The following SLC39A11 variants were observed in gnomAD, a reference collection of about 807,000 sequenced individuals.
SLC39A11 encodes solute carrier family 39 member 11.
SLC39A11 carries 33 observed loss-of-function variants against 36.1 expected under a neutral mutation model. That is an observed-to-expected ratio of 0.91 (90% CI 0.69 to 1.22). The LOEUF is 1.22. SLC39A11 is among the 50% of genes most tolerant of loss of function. The pLI, the probability that SLC39A11 is intolerant of heterozygous loss-of-function variation, is 0.00. For missense variants in SLC39A11, 432 were observed against 430.3 expected (o/e 1.00, Z -0.03); for synonymous variants, 166 against 170.3 (o/e 0.97, Z 0.20).
intron 4 of SLC39A11, among the ~76,000 whole-genome samples, chr17:73,001,553 T>G (rs1173823137): frequency 6.6e-6 from 1 of 150,510 alleles, no homozygotes; most frequent in Non-Finnish European, 1.5e-5. Context: ...CCCTAAAACT[T>G]AAAGTATAAT....
chr17:73,031,713 A>G lies in SLC39A11; in HGVS notation c.149T>C (p.Val50Ala). 6.2e-7 allele frequency: 1 copy of G among 1,613,046 alleles called. No individual in the cohort carries two copies. The highest frequency in any genetic ancestry group is 8.5e-7 in the Non-Finnish European group (1 of 1,179,802). Reference sequence around the variant, plus strand: ...AGACCAATAGGAAGCTGCCAACATGACCTACAAAAACCACAACGAGAGATA... The same window carrying G: ...AGACCAATAGGAAGCTGCCAACATGGCCTACAAAAACCACAACGAGAGATA... Reference protein sequence around the residue: ...LDGSLGFAAGVMLAASYWSLL... With the variant: ...LDGSLGFAAGAMLAASYWSLL... The change falls in exon 4 of 10, where the codon GTC becomes GCC. Residue 50 changes from valine to alanine, a missense_variant and splice_region_variant. Coordinates refer to ENST00000255559, the MANE Select transcript of SLC39A11 (RefSeq NM_139177.4).
At chr17:72,867,374 C>A (rs541747881) in intron 5 of SLC39A11, among the ~76,000 whole-genome samples, 1 of 152,210 alleles carries the variant, frequency 6.6e-6, no homozygotes, top group Non-Finnish European at 1.5e-5. Flanking sequence ...GTGGCATGCA[C>A]CTGTAATCCC....
chr17:72,882,797 CT>C (rs972532779), intron 5 of SLC39A11, among the ~76,000 whole-genome samples: 194 of 60,556 alleles, frequency 3.2e-3, no homozygotes, highest in Admixed American at 6.4e-3. Context: ...GAGAATGCTT[CT>C]TTTTTTTTTT....
chr17:72,809,789 T>G (rs187730316), intron 6 of SLC39A11, among the ~76,000 whole-genome samples: 2 of 151,858 alleles, frequency 1.3e-5, no homozygotes, highest in African/African-American at 4.8e-5. Flanking sequence ...AAACGAAGAG[T>G]TTGGGCGTGG....
In SLC39A11 at chr17:73,031,680, G is replaced by T. The variant is rs768185387; in HGVS notation, c.182C>A (p.Ala61Asp). Residue 61 changes from alanine (A) to aspartate (D), a missense_variant, in exon 4 of 10, where the codon GCC (alanine) becomes GAC (aspartate). Transcript: ENST00000255559. ...GGACGTGGCCATCTCAACTGCTGGGGCCAGAAGAGACCAATAGGAAGCTGC... is the reference window on the plus strand; with the variant it reads ...GGACGTGGCCATCTCAACTGCTGGGTCCAGAAGAGACCAATAGGAAGCTGC... The part of the protein sequence containing the change: ...MLAASYWSLL[A>D]PAVEMATSSG... 1 of 1,614,034 alleles carries T rather than the reference G, an allele frequency of 6.2e-7. No homozygotes were observed. The highest frequency in any genetic ancestry group is 8.5e-7 in the Non-Finnish European group (1 of 1,180,008).
At chr17:72,978,571 G>C (rs2088042316) in intron 4 of SLC39A11, among the ~76,000 whole-genome samples, 2 of 152,086 alleles carry the variant, frequency 1.3e-5, no homozygotes, top group Non-Finnish European at 2.9e-5. Flanking sequence ...CAGAGAAAAG[G>C]AATAGCAGAT....
intron 7 of SLC39A11, among the ~76,000 whole-genome samples, chr17:72,682,885 C>A (rs1242519660): frequency 6.6e-6 from 1 of 152,232 alleles, no homozygotes; most frequent in Non-Finnish European, 1.5e-5. Flanking sequence ...CTTCTCCCAT[C>A]TGAATAATCT....
chr17:72,718,766 A>G (rs1381777474), intron 7 of SLC39A11, among the ~76,000 whole-genome samples: 1 of 152,230 alleles, frequency 6.6e-6, no homozygotes, highest in African/African-American at 2.4e-5. Flanking sequence ...GATAATTTCC[A>G]GCTTTCTTGA....
At chr17:72,845,104 A>G (rs991365641) in intron 6 of SLC39A11, among the ~76,000 whole-genome samples, 1 of 152,218 alleles carries the variant, frequency 6.6e-6, no homozygotes, top group Non-Finnish European at 1.5e-5. Flanking sequence ...AGTGGCCTCT[A>G]CATAGGCCTC....
intron 4 of SLC39A11, among the ~76,000 whole-genome samples, chr17:73,003,139 C>A (rs2089913983): frequency 6.6e-6 from 1 of 152,236 alleles, no homozygotes; most frequent in Non-Finnish European, 1.5e-5. Flanking sequence ...GAACCTGCTG[C>A]TGGGGCTTCC....
chr17:72,653,596 C>G (rs541848372), intron 7 of SLC39A11, among the ~76,000 whole-genome samples: 4 of 152,032 alleles, frequency 2.6e-5, no homozygotes, highest in African/African-American at 9.7e-5. Flanking sequence ...CCCACCACCA[C>G]GCCCAGCTAA....
rs547225148 is a variant in SLC39A11 at position 73,081,672 on chromosome 17, T to C, written c.147+3136A>G. ...ACACACACACACACACACACACACA[T>C]ATATATACACATATATGTATATATG... On this transcript the variant is annotated intron_variant, in intron 3 of 9. Transcript: ENST00000255559. 1.3e-3 allele frequency among the ~76,000 whole-genome samples: 177 copies of C among 135,704 alleles called. 2 individuals are homozygous for C. Among genetic ancestry groups the C allele is most frequent in the Non-Finnish European group, 2.1e-3 (131 of 61,876 alleles). 89.0% of individuals were successfully genotyped at this position (135,704 alleles called of 152,430 possible).
intron 3 of SLC39A11, among the ~76,000 whole-genome samples, chr17:73,069,653 T>C (rs1272601728): frequency 6.6e-6 from 1 of 152,184 alleles, no homozygotes; most frequent in Non-Finnish European, 1.5e-5. Flanking sequence ...AAAGCACTTG[T>C]GTTAATAATC....
At chr17:72,846,018 CTTTTTTTT>C (rs569100122) in intron 6 of SLC39A11, among the ~76,000 whole-genome samples, 11 of 57,952 alleles carry the variant, frequency 1.9e-4, no homozygotes, top group South Asian at 6.9e-4. Context: ...CTCTCTCTCT[CTTTTTTTT>C]TTTTTTTTTT....
intron 6 of SLC39A11, among the ~76,000 whole-genome samples, chr17:72,738,085 A>G (rs1315691967): frequency 1.3e-5 from 2 of 152,106 alleles, no homozygotes. Flanking sequence ...GCTCACTGCA[A>G]GCTCCGCCTC....
At chr17:72,872,677 C>G (rs1269135439) in intron 5 of SLC39A11, among the ~76,000 whole-genome samples, 2 of 152,142 alleles carry the variant, frequency 1.3e-5, no homozygotes, top group African/African-American at 2.4e-5. Context: ...AAGATGATAA[C>G]AGTCCCTTGC....
intron 6 of SLC39A11, among the ~76,000 whole-genome samples, chr17:72,836,626 C>G (rs2078561497): frequency 6.6e-6 from 1 of 152,158 alleles, no homozygotes; most frequent in South Asian, 2.1e-4. Flanking sequence ...CAGGTGTGAG[C>G]CACCGTGCCT....
At chr17:72,720,828 G>A (rs963315896) in intron 7 of SLC39A11, among the ~76,000 whole-genome samples, 1 of 152,196 alleles carries the variant, frequency 6.6e-6, no homozygotes, top group African/African-American at 2.4e-5. Context: ...TTTGAACCCA[G>A]GGAGTCAAGC....
intron 6 of SLC39A11, among the ~76,000 whole-genome samples, chr17:72,762,202 G>C (rs2075608293): frequency 6.6e-6 from 1 of 152,212 alleles, no homozygotes; most frequent in South Asian, 2.1e-4. Flanking sequence ...GGATGAGATA[G>C]GAGGTTGGCA....
Sources: gnomAD v4.1 joint callset for allele counts (sites outside exome capture counted in the v4.1 genomes callset) on GRCh38, gnomAD v4.1.1 for gene constraint, MANE v1.5 for transcripts, NCBI Gene and HGNC (gene_info 2026-07-23, HGNC 2026-07-21) for gene names.